Variants in RAI1 observed in about 807,000 individuals in gnomAD.
RAI1 encodes retinoic acid-induced protein 1.
In RAI1, 9 loss-of-function variants were observed where a neutral mutation model predicts 123.8. The observed-to-expected ratio is 0.07, with a 90% CI of 0.04 to 0.13. The LOEUF (loss-of-function observed/expected upper bound fraction) is 0.13. RAI1 is among the 10% of genes least tolerant of loss of function. RAI1 has a pLI of 1.00. For missense variants in RAI1, 2,256 were observed against 2,545.8 expected (o/e 0.89, Z 2.45); for synonymous variants, 1,231 against 1,127.3 (o/e 1.09, Z -1.84).
At chr17:17,791,441 C>T (rs1014430979) in intron 2 of RAI1, among the ~76,000 whole-genome samples, 1 of 152,036 alleles carries the variant, frequency 6.6e-6, no homozygotes, top group Non-Finnish European at 1.5e-5. Flanking sequence ...CCCTCCCCGA[C>T]TCTGCGTGCC....
intron 2 of RAI1, among the ~76,000 whole-genome samples, chr17:17,763,380 A>G (rs1189437028): frequency 6.6e-6 from 1 of 151,900 alleles, no homozygotes; most frequent in African/African-American, 2.4e-5. Flanking sequence ...TGTGTGTCTC[A>G]CTCCCTTCCT....
intron 2 of RAI1, chr17:17,778,002 A>G (rs1483069955): frequency 2.0e-5 from 3 of 152,394 alleles, no homozygotes; most frequent in Middle Eastern, 6.8e-3. Flanking sequence ...GCCCAGCCTC[A>G]GCAGAACCCA....
intron 1 of RAI1, among the ~76,000 whole-genome samples, chr17:17,695,295 C>G (rs1914984528): frequency 6.6e-6 from 1 of 152,194 alleles, no homozygotes; most frequent in Non-Finnish European, 1.5e-5. Context: ...ACCCTGCAAC[C>G]TCGGCCGGCC....
intron 1 of RAI1, among the ~76,000 whole-genome samples, chr17:17,718,257 T>G (rs7213879): frequency 0.67 from 101,434 of 151,990 alleles, 34,792 homozygotes; most frequent in African/African-American, 0.79. Flanking sequence ...TCAGGGGAGT[T>G]GGGACACTGA....
At chr17:17,733,607 C>A (rs756601405) in intron 2 of RAI1, among the ~76,000 whole-genome samples, 47 of 152,284 alleles carry the variant, frequency 3.1e-4, no homozygotes, top group Non-Finnish European at 6.2e-4. Context: ...CCCCAGGTCC[C>A]AGTAAGGGCA....
chr17:17,681,818 G>GA, intron 1 of RAI1, 25 bp downstream of exon 1: 1 of 301,588 alleles, frequency 3.3e-6, no homozygotes, highest in African/African-American at 2.2e-5. Context: ...CCGGGGCGCG[G>GA]GGGGCGCAGT....
intron 3 of RAI1, chr17:17,802,150 C>T (rs1040455245): frequency 4.2e-6 from 2 of 470,878 alleles, no homozygotes; most frequent in African/African-American, 4.0e-5. Context: ...TGGCCACGTC[C>T]ACTCCAAGCA....
chr17:17,783,497 C>CA (rs1312546146), intron 2 of RAI1, among the ~76,000 whole-genome samples: 1 of 152,040 alleles, frequency 6.6e-6, no homozygotes, highest in African/African-American at 2.4e-5. Flanking sequence ...CAGCAGCAGG[C>CA]GCTCTGCCTT....
chr17:17,797,182 C>T lies in RAI1; in HGVS notation c.4234C>T (p.Leu1412Phe), dbSNP rs1482203473. 14 of 1,613,838 alleles carry T rather than the reference C, an allele frequency of 8.7e-6. No homozygotes were observed. The African/African-American group carries it at 1.7e-4, about 20-fold the overall frequency. Reference sequence around the variant, plus strand: ...AACCAACAGATCCTTAAAAGGCAAACTCATGAACAGTAAGAAACTGTCTTC... The same window carrying T: ...AACCAACAGATCCTTAAAAGGCAAATTCATGAACAGTAAGAAACTGTCTTC... Reference protein sequence around the residue: ...NPTNRSLKGKLMNSKKLSSTD... With the variant: ...NPTNRSLKGKFMNSKKLSSTD... Residue 1412 changes from leucine to phenylalanine, a missense_variant, in exon 3 of 6, where the codon CTC (leucine) becomes TTC (phenylalanine). This residue lies in a region of RAI1 where 410 missense variants were observed against 374.6 expected (regional missense o/e 1.09). Transcript: ENST00000353383.
chr17:17,778,868 G>A, intron 2 of RAI1: 1 of 456,862 alleles, frequency 2.2e-6, no homozygotes, highest in Non-Finnish European at 4.4e-6. Context: ...AAGCCAAGAG[G>A]GAGGGAGTTC....
chr17:17,782,809 G>A (rs2031645214), intron 2 of RAI1, among the ~76,000 whole-genome samples: 1 of 152,114 alleles, frequency 6.6e-6, no homozygotes. Flanking sequence ...GGCTGCTCAG[G>A]GCGCCAAGAG....
At position 17,749,675 on chromosome 17, in the gene RAI1, ACTCT is replaced by A. The variant is rs1054151898; in HGVS notation, c.-17+25522_-17+25525del. ...CCTCTGCTGGTCTTTCTTGCCTGGAACTCTCTCTCCTCCTTCTCTCTCATAGATC... is the reference window on the plus strand; with the variant it reads ...CCTCTGCTGGTCTTTCTTGCCTGGAACTCTCCTCCTTCTCTCTCATAGATC... On this transcript the variant is annotated intron_variant, in intron 2 of 5. Transcript: ENST00000353383. Among the ~76,000 whole-genome samples the A allele has an allele frequency of 2.0e-5, 3 of 150,882 alleles. No homozygotes were observed. The South Asian group carries it at 6.3e-4, about 32-fold the overall frequency.
In RAI1 at chr17:17,762,941, A is replaced by G. The variant is rs536739323; in HGVS notation, c.-16-29992A>G. Among the ~76,000 whole-genome samples, 15 of 152,080 alleles carry G rather than the reference A, an allele frequency of 9.9e-5. No homozygotes were observed. The East Asian group carries it at 2.9e-3, about 29-fold the overall frequency. Reference sequence around the variant, plus strand: ...GGCAGAGTCGATAAAGGCCACTTGGAAACCCTCCTGCTCCAGGTGGTTCCC... The same window carrying G: ...GGCAGAGTCGATAAAGGCCACTTGGGAACCCTCCTGCTCCAGGTGGTTCCC... On this transcript the variant is annotated intron_variant, in intron 2 of 5. Coordinates refer to ENST00000353383, the MANE Select transcript of RAI1 (RefSeq NM_030665.4).
chr17:17,697,961 G>T (rs1384808898), intron 1 of RAI1, among the ~76,000 whole-genome samples: 1 of 152,198 alleles, frequency 6.6e-6, no homozygotes, highest in Admixed American at 6.5e-5. Context: ...GGGGCATTGC[G>T]CACTGACTGA....
Position 17,810,133 on chromosome 17 carries a change from C to A in RAI1, c.*152C>A. The A allele has an allele frequency of 8.7e-7, 1 of 1,145,674 alleles. No homozygotes were observed. Among genetic ancestry groups the A allele is most frequent in the Non-Finnish European group, 1.2e-6 (1 of 838,526 alleles). The allele number at this position is 1,145,674 out of a possible 1,614,324, so 71.0% of individuals were successfully genotyped here. ...TGATCCGGGTCCCGGATCGTGGATC[C>A]GGCCGCCTAGGGCTCAGACTTGCGG... On this transcript the variant is annotated 3_prime_UTR_variant, in exon 6 of 6. Transcript: ENST00000353383. This position sits in a 1 kb window ranked among gnomAD's most constrained non-coding sequence, Gnocchi z 4.6.
chr17:17,717,814 G>C (rs1269837012), intron 1 of RAI1, among the ~76,000 whole-genome samples: 3 of 152,214 alleles, frequency 2.0e-5, no homozygotes, highest in Non-Finnish European at 4.4e-5. Context: ...TGGAGGCCCA[G>C]TCACACGCCT....
chr17:17,729,480 G>C (rs1177067197), intron 2 of RAI1, among the ~76,000 whole-genome samples: 1 of 152,192 alleles, frequency 6.6e-6, no homozygotes, highest in Non-Finnish European at 1.5e-5. Context: ...TTCTCCGAGA[G>C]GAGGAGACCC....
At position 17,794,864 on chromosome 17, in the gene RAI1, C is replaced by T. The variant is rs954858193; in HGVS notation, c.1916C>T (p.Pro639Leu). ...AGCCTGGTCAAGGACAGCAGCAAGCCACCCTTCTCGCTGGAGAACCACAGC... is the reference window on the plus strand; with the variant it reads ...AGCCTGGTCAAGGACAGCAGCAAGCTACCCTTCTCGCTGGAGAACCACAGC... ...APSLVKDSSK[P>L]PFSLENHSAC... Residue 639 changes from proline to leucine, a missense_variant, in exon 3 of 6, where the codon CCA (proline) becomes CTA (leucine). Pro to Leu is a moderately conservative substitution (Grantham distance 98, BLOSUM62 -3). This residue lies in a region of RAI1 where 566 missense variants were observed against 616.0 expected (regional missense o/e 0.92). Transcript: ENST00000353383. 1.9e-6 allele frequency: 3 copies of T among 1,613,182 alleles called. No individual in the cohort carries two copies. The highest frequency in any genetic ancestry group is 2.5e-6 in the Non-Finnish European group (3 of 1,179,986).
rs2143002263 is a variant in RAI1 at position 17,795,441 on chromosome 17, G to A, written c.2493G>A (p.Val831=). Residue 831 remains valine (V), a synonymous_variant, in exon 3 of 6, where the codon GTG becomes GTA. Transcript: ENST00000353383. The surrounding 1 kb of genome is among the most constrained non-coding windows in gnomAD (Gnocchi z 5.9). ...EAGGLLQCPE[V]AKADRWLEDS... is the part of the protein sequence containing the mutation. ...GTGGGCTGCTGCAGTGCCCCGAGGTGGCCAAGGCTGACCGGTGGCTGGAGG... is the reference window on the plus strand; with the variant it reads ...GTGGGCTGCTGCAGTGCCCCGAGGTAGCCAAGGCTGACCGGTGGCTGGAGG... 1 of 1,591,468 alleles carries A rather than the reference G, an allele frequency of 6.3e-7. No individual in the cohort carries two copies. Among genetic ancestry groups the A allele is most frequent in the South Asian group, 1.1e-5 (1 of 88,700 alleles).
Sources: allele counts gnomAD v4.1 joint callset (sites outside exome capture counted in the v4.1 genomes callset), GRCh38; gene constraint gnomAD v4.1.1; regional missense constraint gnomAD v4.1.1; non-coding constraint Gnocchi (gnomAD v3.1); transcripts MANE v1.5; gene names NCBI Gene and HGNC (gene_info 2026-07-23, HGNC 2026-07-21).